SLC7A1: variants seen among roughly 807,000 people sequenced by gnomAD.
SLC7A1 encodes the protein high affinity cationic amino acid transporter 1.
A neutral mutation model predicts 53.9 loss-of-function variants in SLC7A1; 10 were observed. The ratio of observed to expected loss-of-function variants is 0.19; its 90% CI spans 0.11 to 0.31. The LOEUF is 0.31. Among genes scored for constraint, SLC7A1 ranks in the 10% least tolerant of loss-of-function variants. The pLI is 1.00. For missense variants in SLC7A1, 525 were observed against 827.2 expected, an observed-to-expected ratio of 0.63 and a Z score of 4.48; for synonymous variants, 342 against 338.7, an observed-to-expected ratio of 1.01 and a Z score of -0.11.
intron 1 of SLC7A1, among the ~76,000 whole-genome samples, chr13:29,577,356 C>T (rs1264630202): frequency 3.3e-5 from 5 of 152,210 alleles, no homozygotes; most frequent in Non-Finnish European, 7.3e-5. Context: ...CAGGCTCCCA[C>T]AGTTGGAGCC....
At chr13:29,584,574 A>C (rs1363201643) in intron 1 of SLC7A1, among the ~76,000 whole-genome samples, 2 of 152,116 alleles carry the variant, frequency 1.3e-5, no homozygotes, top group African/African-American at 4.8e-5. Context: ...AAGGACAGAC[A>C]TTTGCACATT....
chr13:29,522,576 G>A (rs918135407), intron 7 of SLC7A1, 120 bp from the exon 8 acceptor site: 19 of 1,030,138 alleles, frequency 1.8e-5, no homozygotes, highest in East Asian at 1.0e-4. Flanking sequence ...AAGAGCTGCC[G>A]TCCCTCCACG....
In SLC7A1 at chr13:29,591,544, GCAGTGTGGGATC is replaced by G. The variant is rs569378053; in HGVS notation, c.-115+3860_-115+3871del. 4.8e-4 allele frequency among the ~76,000 whole-genome samples: 71 copies of G among 148,348 alleles called. 2 individuals carry two copies. The South Asian group carries it at 0.014, about 29-fold the overall frequency. On this transcript the variant is annotated intron_variant, in intron 1 of 12. Coordinates refer to ENST00000380752, the MANE Select transcript of SLC7A1 (RefSeq NM_003045.5). ...TGCAGAACTCACTGTGCAGGACACG[GCAGTGTGGGATC>G]CACTTTTAAAGAAACAGGAAAGCAG...
chr13:29,514,588 G>T lies in SLC7A1; in HGVS notation c.1787-5C>A. 6.2e-7 allele frequency: 1 copy of T among 1,602,470 alleles called. No homozygotes were observed. The highest frequency in any genetic ancestry group is 2.2e-5 in the East Asian group (1 of 44,666). ...AGCCAAAGTAGATGATGAAGCCTGC[G>T]GGCCGACAGCAGAGACGGGCGTGAA... On this transcript the variant is annotated splice_region_variant and splice_polypyrimidine_tract_variant and intron_variant, in intron 12 of 12. Coordinates refer to ENST00000380752, the MANE Select transcript of SLC7A1 (RefSeq NM_003045.5).
At chr13:29,524,384 C>T (rs1868787295) in intron 5 of SLC7A1, 131 bp from the exon 6 acceptor site, 1 of 1,161,234 alleles carries the variant, frequency 8.6e-7, no homozygotes, top group Non-Finnish European at 1.2e-6. Context: ...AGGCCCTGGG[C>T]TTCAGACGCT....
At chr13:29,521,468 G>C (rs761664382) in intron 8 of SLC7A1, among the ~76,000 whole-genome samples, 1 of 152,176 alleles carries the variant, frequency 6.6e-6, no homozygotes, top group African/African-American at 2.4e-5. Context: ...GAATCACAAG[G>C]CCGCTCCACC....
intron 1 of SLC7A1, among the ~76,000 whole-genome samples, chr13:29,571,507 C>T (rs1871187816): frequency 6.7e-6 from 1 of 150,174 alleles, no homozygotes; most frequent in Non-Finnish European, 1.5e-5. Flanking sequence ...TTCTAGATCG[C>T]AATGAAGTGA....
At chr13:29,533,021 A>G (rs1869244740) in intron 3 of SLC7A1, 39 bp from the exon 4 acceptor site, 1 of 1,574,106 alleles carries the variant, frequency 6.4e-7, no homozygotes, top group Non-Finnish European at 8.6e-7. Flanking sequence ...ATGTGAGGAC[A>G]ACTGTTAGCC....
chr13:29,541,611 C>T (rs1332781783), intron 2 of SLC7A1, among the ~76,000 whole-genome samples: 3 of 152,142 alleles, frequency 2.0e-5, no homozygotes, highest in Non-Finnish European at 2.9e-5. Flanking sequence ...ATTCAATTCA[C>T]GTACAATGTA....
At chr13:29,523,237 G>C in intron 7 of SLC7A1, 29 bp downstream of exon 7, 2 of 1,589,082 alleles carry the variant, frequency 1.3e-6, no homozygotes, top group Non-Finnish European at 1.7e-6. Flanking sequence ...TCCACCCCTA[G>C]GAGCAGCCAC....
At chr13:29,541,979 G>C (rs148541621) in intron 2 of SLC7A1, among the ~76,000 whole-genome samples, 1,601 of 152,128 alleles carry the variant, frequency 0.011, 28 homozygotes, top group African/African-American at 0.037. Flanking sequence ...ATTAGTAGCA[G>C]TAATTTTACT....
At chr13:29,580,681 G>T (rs548224430) in intron 1 of SLC7A1, among the ~76,000 whole-genome samples, 5 of 152,160 alleles carry the variant, frequency 3.3e-5, no homozygotes, top group Non-Finnish European at 5.9e-5. Flanking sequence ...GCCCAACTGC[G>T]AAGTTTCACC....
chr13:29,539,984 G>C (rs921576177), intron 2 of SLC7A1, among the ~76,000 whole-genome samples: 1 of 152,178 alleles, frequency 6.6e-6, no homozygotes, highest in Non-Finnish European at 1.5e-5. Context: ...TGTCTCCTTG[G>C]AAGTAATGCA....
chr13:29,551,426 A>G (rs1398561054), intron 2 of SLC7A1, among the ~76,000 whole-genome samples: 1 of 152,188 alleles, frequency 6.6e-6, no homozygotes, highest in Non-Finnish European at 1.5e-5. Context: ...TCAACAGGAA[A>G]AGATGACATC....
At chr13:29,547,645 G>C (rs1404795756) in intron 2 of SLC7A1, among the ~76,000 whole-genome samples, 1 of 152,216 alleles carries the variant, frequency 6.6e-6, no homozygotes, top group African/African-American at 2.4e-5. Flanking sequence ...TAATGAGTAT[G>C]TAATGCTTCT....
At chr13:29,535,146 A>C (rs1364573837) in intron 3 of SLC7A1, among the ~76,000 whole-genome samples, 1 of 152,248 alleles carries the variant, frequency 6.6e-6, no homozygotes, top group African/African-American at 2.4e-5. Flanking sequence ...GAAAAGAATC[A>C]TGGCTAAGCC....
chr13:29,544,586 A>G (rs1238351607), intron 2 of SLC7A1, among the ~76,000 whole-genome samples: 2 of 152,032 alleles, frequency 1.3e-5, no homozygotes, highest in African/African-American at 4.8e-5. Context: ...ATCTGGGGAG[A>G]TTTTTTTAAG....
chr13:29,554,097 C>T (rs1055139479), intron 1 of SLC7A1, among the ~76,000 whole-genome samples: 1 of 152,178 alleles, frequency 6.6e-6, no homozygotes, highest in African/African-American at 2.4e-5. Flanking sequence ...GAGATTCCAC[C>T]GCTTTACCTC....
intron 8 of SLC7A1, among the ~76,000 whole-genome samples, chr13:29,520,660 T>A (rs1258604662): frequency 6.6e-6 from 1 of 152,170 alleles, no homozygotes; most frequent in Non-Finnish European, 1.5e-5. Context: ...ACACATGCAA[T>A]CAACACAAGC....
Sources: allele counts gnomAD v4.1 joint callset (sites outside exome capture counted in the v4.1 genomes callset), GRCh38; gene constraint gnomAD v4.1.1; transcripts MANE v1.5; gene names NCBI Gene and HGNC (gene_info 2026-07-23, HGNC 2026-07-21).